DZIP1: variants seen among roughly 807,000 people sequenced by gnomAD.
DZIP1 encodes cilium assembly protein DZIP1.
Under a neutral mutation model 107.6 loss-of-function variants are expected in DZIP1, and 97 were observed. That is an observed-to-expected ratio of 0.90 (90% CI 0.77 to 1.07). The LOEUF (loss-of-function observed/expected upper bound fraction) is 1.07, where lower values mean the gene tolerates loss of function less well. DZIP1 is among the 50% of genes least tolerant of loss of function. The pLI is 0.00. For missense variants in DZIP1, 1,035 were observed against 1,063.6 expected (o/e 0.97, Z 0.37); for synonymous variants, 390 against 386.4 (o/e 1.01, Z -0.11).
At chr13:95,599,523 T>A in intron 14 of DZIP1, 99 bp from the exon 15 acceptor site, 1 of 1,080,766 alleles carries the variant, frequency 9.3e-7, no homozygotes, top group East Asian at 2.4e-5. Context: ...TCCATGGTAT[T>A]TTAGTCATGC....
intron 10 of DZIP1, among the ~76,000 whole-genome samples, chr13:95,616,345 C>A (rs1875065921): frequency 6.6e-6 from 1 of 152,198 alleles, no homozygotes; most frequent in Admixed American, 6.5e-5. Context: ...ACCCTACAAT[C>A]AGCCTTTCTC....
At chr13:95,583,282 TA>T (rs1199901231) in intron 22 of DZIP1, among the ~76,000 whole-genome samples, 2 of 146,200 alleles carry the variant, frequency 1.4e-5, no homozygotes, top group Non-Finnish European at 3.0e-5. Context: ...AAAAAAGTAA[TA>T]AAATTATAAG....
At chr13:95,588,174 CA>C (rs1566361577) in intron 19 of DZIP1, 1 of 153,056 alleles carries the variant, frequency 6.5e-6, no homozygotes, top group Non-Finnish European at 1.5e-5. Flanking sequence ...TTATTACCCC[CA>C]TTTTAAGGTG....
intron 13 of DZIP1, among the ~76,000 whole-genome samples, chr13:95,608,671 T>A (rs2044868128): frequency 6.6e-6 from 1 of 152,198 alleles, no homozygotes; most frequent in African/African-American, 2.4e-5. Context: ...GCTTAACTTC[T>A]TCAGCTTCAA....
Position 95,578,537 on chromosome 13 carries a change from G to T in DZIP1, c.*3697C>A, listed in dbSNP as rs1422864041. 6.6e-6 allele frequency: 1 copy of T among 152,146 alleles called. No individual in the cohort carries two copies. Among genetic ancestry groups the T allele is most frequent in the Non-Finnish European group, 1.5e-5 (1 of 68,038 alleles). The allele number at this position is 152,146 out of a possible 1,614,324, so 9.4% of individuals were successfully genotyped here. On this transcript the variant is annotated 3_prime_UTR_variant, in exon 23 of 23. Coordinates refer to ENST00000376829, the MANE Select transcript of DZIP1 (RefSeq NM_198968.4). ...TATTCTACAACATTTATTTAAAAAG[G>T]TAAATCTTTTTGTTGAAGCAGCAAG...
At chr13:95,592,757 A>T (rs2044346713) in intron 16 of DZIP1, among the ~76,000 whole-genome samples, 1 of 152,246 alleles carries the variant, frequency 6.6e-6, no homozygotes, top group African/African-American at 2.4e-5. Flanking sequence ...AAACTGTAGT[A>T]TATTCACACA....
At position 95,589,966 on chromosome 13, in the gene DZIP1, C is replaced by T. The variant is rs187782987; in HGVS notation, c.1844-34G>A. 1.7e-3 allele frequency: 2,690 copies of T among 1,603,616 alleles called. 7 individuals carry two copies. The highest frequency in any genetic ancestry group is 1.7e-3 in the Non-Finnish European group (1,979 of 1,176,064). On this transcript the variant is annotated intron_variant, in intron 17 of 22. Transcript: ENST00000376829. Reference sequence around the variant, plus strand: ...TAGTGTCATTCATGAGTCTCCATTACCTTTATGATCAGTAAGTGAAAAGCA... The same window carrying T: ...TAGTGTCATTCATGAGTCTCCATTATCTTTATGATCAGTAAGTGAAAAGCA...
intron 5 of DZIP1, among the ~76,000 whole-genome samples, chr13:95,634,392 T>C (rs1048611239): frequency 6.7e-6 from 1 of 149,730 alleles, no homozygotes; most frequent in Non-Finnish European, 1.5e-5. Context: ...TTTGTGTACT[T>C]CACTTGTTTA....
chr13:95,595,342 A>G (rs962551081), intron 15 of DZIP1, among the ~76,000 whole-genome samples: 1 of 148,844 alleles, frequency 6.7e-6, no homozygotes, highest in African/African-American at 2.5e-5. Context: ...TGAAAGCAAA[A>G]TTAGTCAAAT....
At chr13:95,586,637 ATATTT>A (rs2044167318) in intron 20 of DZIP1, among the ~76,000 whole-genome samples, 1 of 151,714 alleles carries the variant, frequency 6.6e-6, no homozygotes, top group Non-Finnish European at 1.5e-5. Flanking sequence ...TAAATGAATT[ATATTT>A]TATCTAATTA....
At position 95,589,858 on chromosome 13, in the gene DZIP1, T is replaced by C. The variant is rs1044291349; in HGVS notation, c.1918A>G (p.Asn640Asp). Reference protein sequence around the residue: ...VPKMIQLPSKNRQLIRQKAVS... With the variant: ...VPKMIQLPSKDRQLIRQKAVS... Reference sequence around the variant, plus strand: ...GCTTTTTGTCTAATCAGTTGTCTGTTTTTGGAAGGAAGTTGTATCATTTTG... The same window carrying C: ...GCTTTTTGTCTAATCAGTTGTCTGTCTTTGGAAGGAAGTTGTATCATTTTG... The change falls in exon 18 of 23, where the codon AAC (asparagine) becomes GAC (aspartate). Residue 640 changes from asparagine (N) to aspartate (D), a missense_variant. Physicochemically the swap from Asn to Asp is conservative, Grantham distance 23. Transcript: ENST00000376829. The C allele has an allele frequency of 1.2e-6, 2 of 1,614,104 alleles. No individual in the cohort carries two copies. The highest frequency in any genetic ancestry group is 1.7e-6 in the Non-Finnish European group (2 of 1,180,038).
Position 95,589,251 on chromosome 13 carries a change from T to C in DZIP1, c.1974-44A>G, listed in dbSNP as rs556978745. 7.7e-6 allele frequency: 11 copies of C among 1,425,192 alleles called. No individual in the cohort carries two copies. In the East Asian group the frequency reaches 2.6e-4, roughly 34 times the overall value. The allele number at this position is 1,425,192 out of a possible 1,614,324, so 88.3% of individuals were successfully genotyped here. On this transcript the variant is annotated intron_variant, in intron 18 of 22. Transcript: ENST00000376829. ...AATATTTTTAAATTGCATAAGTTAATAATATAATTTCACATACATTTCTAT... is the reference window on the plus strand; with the variant it reads ...AATATTTTTAAATTGCATAAGTTAACAATATAATTTCACATACATTTCTAT...
chr13:95,621,700 G>GTGTGTT (rs1339936434), intron 9 of DZIP1, among the ~76,000 whole-genome samples: 11 of 149,862 alleles, frequency 7.3e-5, no homozygotes, highest in Admixed American at 2.7e-4. Flanking sequence ...GTGTGTGTGT[G>GTGTGTT]TGTGTGTGTG....
chr13:95,621,739 CTGAG>C (rs1355614691), intron 9 of DZIP1, among the ~76,000 whole-genome samples: 4 of 136,940 alleles, frequency 2.9e-5, no homozygotes, highest in Non-Finnish European at 4.7e-5. Context: ...TTTTTTGAGA[CTGAG>C]TATCACTCTT....
chr13:95,612,493 G>A (rs1339834892), intron 10 of DZIP1, among the ~76,000 whole-genome samples: 1 of 152,218 alleles, frequency 6.6e-6, no homozygotes, highest in Non-Finnish European at 1.5e-5. Flanking sequence ...CTGCAGAGTG[G>A]CTCTGACCCT....
chr13:95,621,569 C>T (rs1178504917), intron 9 of DZIP1, among the ~76,000 whole-genome samples: 2 of 151,658 alleles, frequency 1.3e-5, no homozygotes, highest in Non-Finnish European at 2.9e-5. Context: ...TATTTGCTTC[C>T]TAGTTTAAAA....
chr13:95,584,948 GA>G, intron 21 of DZIP1, 38 bp from the exon 22 acceptor site: 1 of 1,552,164 alleles, frequency 6.4e-7, no homozygotes. Flanking sequence ...ATGTTGCTTA[GA>G]AAAAAATGGT....
At position 95,584,930 on chromosome 13, in the gene DZIP1, A is replaced by G; in HGVS notation, c.2350-20T>C. The G allele has an allele frequency of 6.3e-7, 1 of 1,597,388 alleles. No homozygotes were observed. Among genetic ancestry groups the G allele is most frequent in the Non-Finnish European group, 8.5e-7 (1 of 1,170,710 alleles). On this transcript the variant is annotated intron_variant, in intron 21 of 22. Coordinates refer to ENST00000376829, the MANE Select transcript of DZIP1 (RefSeq NM_198968.4). Reference sequence around the variant, plus strand: ...CGCACACTAAAAGAAAGGCATGGAGAATAATTAATGTTGCTTAGAAAAAAA... The same window carrying G: ...CGCACACTAAAAGAAAGGCATGGAGGATAATTAATGTTGCTTAGAAAAAAA...
intron 14 of DZIP1, among the ~76,000 whole-genome samples, chr13:95,600,915 A>T (rs964617184): frequency 1.3e-5 from 2 of 152,232 alleles, no homozygotes; most frequent in African/African-American, 2.4e-5. Flanking sequence ...TTTAAAAATT[A>T]TACAAATAGG....
Sources: allele counts gnomAD v4.1 joint callset (sites outside exome capture counted in the v4.1 genomes callset), GRCh38; gene constraint gnomAD v4.1.1; transcripts MANE v1.5; gene names NCBI Gene and HGNC (gene_info 2026-07-23, HGNC 2026-07-21).